The following ANKS1B variants were observed in gnomAD, a reference collection of about 807,000 sequenced individuals.
ANKS1B encodes ankyrin repeat and sterile alpha motif domain containing 1B.
A neutral mutation model predicts 148.3 loss-of-function variants in ANKS1B; 36 were observed. That is an observed-to-expected ratio of 0.24 (90% CI 0.19 to 0.32). The LOEUF (loss-of-function observed/expected upper bound fraction) is 0.32. Among genes scored for constraint, ANKS1B ranks in the 10% least tolerant of loss-of-function variants. ANKS1B has a pLI of 1.00. For missense variants in ANKS1B, 1,157 were observed against 1,542.6 expected, an observed-to-expected ratio of 0.75 and a Z score of 4.19; for synonymous variants, 542 against 560.8, an observed-to-expected ratio of 0.97 and a Z score of 0.47.
At chr12:98,972,262 T>G (rs2099883805) in intron 17 of ANKS1B, among the ~76,000 whole-genome samples, 1 of 152,206 alleles carries the variant, frequency 6.6e-6, no homozygotes, top group Non-Finnish European at 1.5e-5. Context: ...GTGACAGGAA[T>G]TAGGTTTGCT....
chr12:98,989,837 GA>G (rs1490778211), intron 17 of ANKS1B, among the ~76,000 whole-genome samples: 1 of 151,780 alleles, frequency 6.6e-6, no homozygotes, highest in Non-Finnish European at 1.5e-5. Context: ...AGACAGCAGT[GA>G]GCTATGATTG....
chr12:99,275,471 C>T (rs1260893363), intron 12 of ANKS1B, among the ~76,000 whole-genome samples: 1 of 152,234 alleles, frequency 6.6e-6, no homozygotes, highest in Non-Finnish European at 1.5e-5. Flanking sequence ...TCTTATTTCA[C>T]TTAACATAAC....
intron 1 of ANKS1B, among the ~76,000 whole-genome samples, chr12:99,943,239 T>A (rs1391116948): frequency 6.6e-6 from 1 of 152,176 alleles, no homozygotes; most frequent in East Asian, 1.9e-4. Flanking sequence ...TTTCTTTGTT[T>A]AAGGCCATTT....
chr12:99,017,525 A>C (rs539745303), intron 17 of ANKS1B, among the ~76,000 whole-genome samples: 1 of 152,190 alleles, frequency 6.6e-6, no homozygotes, highest in South Asian at 2.1e-4. Flanking sequence ...ATCCTACCTG[A>C]ACTTGTGATT....
chr12:99,897,818 C>T (rs2093435978), intron 1 of ANKS1B, among the ~76,000 whole-genome samples: 1 of 143,828 alleles, frequency 7.0e-6, no homozygotes, highest in African/African-American at 2.5e-5. Context: ...AAGAGGAGTT[C>T]TAAACGAGGA....
At chr12:99,634,546 T>C (rs2098212791) in intron 9 of ANKS1B, among the ~76,000 whole-genome samples, 1 of 152,190 alleles carries the variant, frequency 6.6e-6, no homozygotes, top group Non-Finnish European at 1.5e-5. Flanking sequence ...AAAACAGAAA[T>C]TTATACCATG....
At chr12:98,954,016 A>T (rs1366974664) in intron 17 of ANKS1B, among the ~76,000 whole-genome samples, 1 of 152,180 alleles carries the variant, frequency 6.6e-6, no homozygotes, top group East Asian at 1.9e-4. Context: ...TGCTGCTCAA[A>T]GTGTCATTAA....
At position 99,968,592 on chromosome 12, in the gene ANKS1B, T is replaced by G. The variant is rs143603449; in HGVS notation, c.134+15512A>C. Among the ~76,000 whole-genome samples the G allele has an allele frequency of 3.4e-4, 52 of 151,722 alleles. 1 individual carries two copies. The highest frequency in any genetic ancestry group is 1.2e-3 in the African/African-American group (48 of 41,322). The stretch of plus-strand genomic sequence containing the variant: ...ATCAATCAATCAATCAATCAATCAA[T>G]GCTGTGGTGAACACTGTACTTTCCT... On this transcript the variant is annotated intron_variant, in intron 1 of 26. Transcript: ENST00000683438.
intron 17 of ANKS1B, among the ~76,000 whole-genome samples, chr12:99,004,419 A>G (rs937373861): frequency 2.0e-5 from 3 of 152,202 alleles, no homozygotes; most frequent in Non-Finnish European, 4.4e-5. Context: ...AAGAGCACAG[A>G]GTAAGCACTA....
intron 12 of ANKS1B, among the ~76,000 whole-genome samples, chr12:99,288,063 G>A (rs1033921523): frequency 6.6e-6 from 1 of 152,010 alleles, no homozygotes; most frequent in African/African-American, 2.4e-5. Context: ...AGAACAAGAA[G>A]GTTCTATAAC....
At chr12:98,776,553 G>T (rs1285806254) in intron 24 of ANKS1B, among the ~76,000 whole-genome samples, 3 of 152,210 alleles carry the variant, frequency 2.0e-5, no homozygotes, top group African/African-American at 7.2e-5. Flanking sequence ...CAGCTGAAGA[G>T]GTGTCTTGCT....
chr12:99,202,818 G>T (rs1449896383), intron 14 of ANKS1B, among the ~76,000 whole-genome samples: 3 of 152,136 alleles, frequency 2.0e-5, no homozygotes, highest in Non-Finnish European at 4.4e-5. Flanking sequence ...TTACTGGTGT[G>T]GTTGTATACC....
intron 2 of ANKS1B, 143 bp from the exon 3 acceptor site, chr12:99,812,454 G>T: frequency 1.3e-6 from 1 of 781,972 alleles, no homozygotes; most frequent in Non-Finnish European, 1.8e-6. Context: ...GGGTTTCAAA[G>T]TTTTTGCCTA....
chr12:99,688,794 T>C (rs768185292), intron 8 of ANKS1B, among the ~76,000 whole-genome samples: 19 of 151,884 alleles, frequency 1.3e-4, no homozygotes, highest in Non-Finnish European at 2.5e-4. Flanking sequence ...TGAGCTATGA[T>C]TGCACCATCA....
chr12:99,517,340 G>C (rs891191431), intron 9 of ANKS1B, among the ~76,000 whole-genome samples: 1 of 150,804 alleles, frequency 6.6e-6, no homozygotes, highest in African/African-American at 2.5e-5. Flanking sequence ...AAATGCTACT[G>C]ATTTTTGTAT....
intron 9 of ANKS1B, among the ~76,000 whole-genome samples, chr12:99,618,858 T>C (rs2153367502): frequency 6.6e-6 from 1 of 152,250 alleles, no homozygotes; most frequent in African/African-American, 2.4e-5. Context: ...CATTTTAGTC[T>C]CAGGCCGGAG....
At chr12:99,034,641 AG>A (rs770108974) in intron 17 of ANKS1B, among the ~76,000 whole-genome samples, 3 of 152,190 alleles carry the variant, frequency 2.0e-5, no homozygotes, top group Non-Finnish European at 4.4e-5. Flanking sequence ...GGAGTCATGG[AG>A]TCTTATACAT....
rs371653203 is a variant in ANKS1B at position 99,780,035 on chromosome 12, A to G, written c.746-63T>C. Reference sequence around the variant, plus strand: ...TGAAGTATCCTCAAAAGATACTATCACTATCTAACTGCTGTAATTTCAGAC... The same window carrying G: ...TGAAGTATCCTCAAAAGATACTATCGCTATCTAACTGCTGTAATTTCAGAC... On this transcript the variant is annotated intron_variant, in intron 5 of 26. Transcript: ENST00000683438. 161 of 1,129,776 alleles carry G rather than the reference A, an allele frequency of 1.4e-4. No individual in the cohort carries two copies. In the African/African-American group the frequency reaches 2.3e-3, roughly 16 times the overall value. The allele number at this position is 1,129,776 out of a possible 1,614,324, so 70.0% of individuals were successfully genotyped here. A position where few individuals can be genotyped will look rare whatever the true frequency, so the allele number is the denominator to read the frequency against.
chr12:99,980,255 G>C (rs2153860288), intron 1 of ANKS1B, among the ~76,000 whole-genome samples: 1 of 151,886 alleles, frequency 6.6e-6, no homozygotes, highest in African/African-American at 2.4e-5. Flanking sequence ...GTAGGTCTTA[G>C]ATCAATAATA....
Sources: allele counts gnomAD v4.1 joint callset (sites outside exome capture counted in the v4.1 genomes callset), GRCh38; gene constraint gnomAD v4.1.1; transcripts MANE v1.5; gene names NCBI Gene and HGNC (gene_info 2026-07-23, HGNC 2026-07-21).